SYT16: variants seen among roughly 807,000 people sequenced by gnomAD.
SYT16 encodes the protein synaptotagmin-16.
Under a neutral mutation model 61.4 loss-of-function variants are expected in SYT16, and 42 were observed. The ratio of observed to expected loss-of-function variants is 0.68; its 90% CI spans 0.53 to 0.89. The LOEUF is 0.89. Among genes scored for constraint, SYT16 ranks in the 40% least tolerant of loss-of-function variants. The pLI, the probability that SYT16 is intolerant of heterozygous loss-of-function variation, is 0.00. For synonymous variants in SYT16, 314 were observed against 302.3 expected (o/e 1.04, Z -0.40); for missense variants, 804 against 807.3 (o/e 1.00, Z 0.05).
chr14:61,862,340 A>C (rs1230778541), intron 1 of SYT16, among the ~76,000 whole-genome samples: 2 of 152,214 alleles, frequency 1.3e-5, no homozygotes, highest in Non-Finnish European at 2.9e-5. Flanking sequence ...TGTCTTCTCT[A>C]AAATTTTATA....
chr14:62,055,340 C>A (rs1037840214), intron 3 of SYT16, among the ~76,000 whole-genome samples: 22 of 152,164 alleles, frequency 1.4e-4, no homozygotes, highest in African/African-American at 5.3e-4. Context: ...TTCACACTTG[C>A]TTTTGTCTAG....
chr14:61,879,604 C>T (rs138495869), intron 1 of SYT16, among the ~76,000 whole-genome samples: 129 of 152,272 alleles, frequency 8.5e-4, no homozygotes, highest in African/African-American at 3.0e-3. Flanking sequence ...ACCTGCTCTC[C>T]GACTCCTGTC....
At chr14:61,914,118 A>T (rs75726287) in intron 1 of SYT16, among the ~76,000 whole-genome samples, 2,490 of 152,282 alleles carry the variant, frequency 0.016, 40 homozygotes, top group Admixed American at 0.027. Context: ...ATAGAGAGTT[A>T]TAATTTGTTC....
intron 3 of SYT16, among the ~76,000 whole-genome samples, chr14:62,065,838 A>G (rs1166038948): frequency 2.0e-5 from 3 of 152,186 alleles, no homozygotes; most frequent in African/African-American, 2.4e-5. Context: ...TGCTATGCCC[A>G]GCACATGGAG....
intron 1 of SYT16, among the ~76,000 whole-genome samples, chr14:61,872,158 T>C (rs1594798337): frequency 2.0e-5 from 3 of 152,208 alleles, no homozygotes; most frequent in Non-Finnish European, 2.9e-5. Context: ...TCTTATAGCA[T>C]TGATTGATGC....
rs865812891 is a variant in SYT16 at position 61,894,626 on chromosome 14, A to G, written c.-324-75506A>G. On this transcript the variant is annotated intron_variant, in intron 1 of 7. Coordinates refer to ENST00000683842, the MANE Select transcript of SYT16 (RefSeq NM_001367656.1). ...TGATGGCTGGGCACCCTCATTTCAGATTGAGGGAGGTTCTCAGAAGAACAA... is the reference window on the plus strand; with the variant it reads ...TGATGGCTGGGCACCCTCATTTCAGGTTGAGGGAGGTTCTCAGAAGAACAA... 9.9e-5 allele frequency among the ~76,000 whole-genome samples: 15 copies of G among 152,128 alleles called. No homozygotes were observed. In the Middle Eastern group the frequency reaches 0.024, roughly 241 times the overall value.
intron 1 of SYT16, among the ~76,000 whole-genome samples, chr14:61,830,945 G>A (rs555278511): frequency 1.3e-5 from 2 of 152,144 alleles, no homozygotes; most frequent in Admixed American, 6.5e-5. Context: ...AGAGAGATGC[G>A]GTTCTTTTGT....
chr14:62,075,355 C>G lies in SYT16; in HGVS notation c.957C>G (p.Ser319=). The change falls in exon 5 of 8, where the codon TCC becomes TCG. Residue 319 remains serine (S), a synonymous_variant. Transcript: ENST00000683842. ...TAFNSRGFED[S]YATDSSSMWS... ...TTAATAGCCGGGGATTTGAAGATTCCTATGCCACTGACAGCTCCTCCATGT... is the reference window on the plus strand; with the variant it reads ...TTAATAGCCGGGGATTTGAAGATTCGTATGCCACTGACAGCTCCTCCATGT... 6.2e-7 allele frequency: 1 copy of G among 1,613,682 alleles called. No individual in the cohort carries two copies. The highest frequency in any genetic ancestry group is 8.5e-7 in the Non-Finnish European group (1 of 1,179,744).
intron 1 of SYT16, among the ~76,000 whole-genome samples, chr14:61,944,997 G>A (rs2050364386): frequency 6.6e-6 from 1 of 152,072 alleles, no homozygotes; most frequent in South Asian, 2.1e-4. Flanking sequence ...GTCTGACAAA[G>A]GGCTAATATC....
chr14:62,058,425 T>C (rs1034030353), intron 3 of SYT16, among the ~76,000 whole-genome samples: 5 of 147,738 alleles, frequency 3.4e-5, no homozygotes, highest in African/African-American at 1.2e-4. Context: ...TGGTGCAATC[T>C]CGGCTCACTG....
chr14:61,874,061 C>A (rs1219124606), intron 1 of SYT16, among the ~76,000 whole-genome samples: 1 of 152,118 alleles, frequency 6.6e-6, no homozygotes, highest in African/African-American at 2.4e-5. Context: ...AATGTGATGA[C>A]CAATTTTGGA....
In SYT16 at chr14:61,878,503, G is replaced by A. The variant is rs533793464; in HGVS notation, c.-325+65693G>A. ...AGGTATCTGATTTTCAGTTGTACCC[G>A]GCCATGAAATCAATCTCTGGGTCTA... is the stretch of plus-strand genomic sequence containing the variant. On this transcript the variant is annotated intron_variant, in intron 1 of 7. Coordinates refer to ENST00000683842, the MANE Select transcript of SYT16 (RefSeq NM_001367656.1). Among the ~76,000 whole-genome samples, 15 of 152,212 alleles carry A rather than the reference G, an allele frequency of 9.9e-5. No homozygotes were observed. The East Asian group carries it at 1.2e-3, about 12-fold the overall frequency.
At chr14:61,926,704 A>G (rs1204550397) in intron 1 of SYT16, among the ~76,000 whole-genome samples, 14 of 152,146 alleles carry the variant, frequency 9.2e-5, no homozygotes, top group Admixed American at 7.2e-4. Context: ...GAGGAACTCA[A>G]AGGGCTTTTT....
intron 1 of SYT16, among the ~76,000 whole-genome samples, chr14:61,914,705 A>AAATC (rs1373553828): frequency 6.6e-6 from 1 of 152,142 alleles, no homozygotes; most frequent in Non-Finnish European, 1.5e-5. Flanking sequence ...GTTTCTCCTC[A>AAATC]AAAATATATC....
chr14:61,910,272 G>A (rs988842724), intron 1 of SYT16, among the ~76,000 whole-genome samples: 3 of 152,040 alleles, frequency 2.0e-5, no homozygotes, highest in African/African-American at 7.3e-5. Context: ...GGGTCTCACT[G>A]TTGTCACCTG....
chr14:62,010,906 A>G (rs950930079), intron 3 of SYT16, among the ~76,000 whole-genome samples: 29 of 152,208 alleles, frequency 1.9e-4, no homozygotes, highest in African/African-American at 6.0e-4. Flanking sequence ...CCCTATGTGC[A>G]GAAAGTTAGA....
At chr14:61,895,753 C>T (rs1401857257) in intron 1 of SYT16, among the ~76,000 whole-genome samples, 1 of 152,202 alleles carries the variant, frequency 6.6e-6, no homozygotes, top group Non-Finnish European at 1.5e-5. Context: ...ACCACTGTTA[C>T]TCCTACTATT....
intron 1 of SYT16, among the ~76,000 whole-genome samples, chr14:61,901,329 C>T (rs1205408357): frequency 6.6e-6 from 1 of 152,150 alleles, no homozygotes; most frequent in African/African-American, 2.4e-5. Context: ...TAATATGTGC[C>T]AGGCCTTTCC....
intron 1 of SYT16, among the ~76,000 whole-genome samples, 187 bp downstream of exon 1, chr14:61,812,997 G>A (rs1005844527): frequency 6.6e-6 from 1 of 152,230 alleles, no homozygotes; most frequent in Non-Finnish European, 1.5e-5. Flanking sequence ...CGCGCCCCGC[G>A]AGGGATGTGG....
Sources: allele counts gnomAD v4.1 joint callset (sites outside exome capture counted in the v4.1 genomes callset), GRCh38; gene constraint gnomAD v4.1.1; transcripts MANE v1.5; gene names NCBI Gene and HGNC (gene_info 2026-07-23, HGNC 2026-07-21).